TTLL5: variants seen among roughly 807,000 people sequenced by gnomAD.
TTLL5 encodes tubulin tyrosine ligase like 5.
A neutral mutation model predicts 168.4 loss-of-function variants in TTLL5; 132 were observed. The observed-to-expected ratio is 0.78, with a 90% CI of 0.68 to 0.91. TTLL5 has a LOEUF of 0.91. Among genes scored for constraint, TTLL5 ranks in the 40% least tolerant of loss-of-function variants. The pLI is 0.00. For missense variants in TTLL5, 1,545 were observed against 1,581.5 expected (o/e 0.98, Z 0.39); for synonymous variants, 546 against 558.6 (o/e 0.98, Z 0.32).
chr14:75,948,188 T>C (rs184326998), intron 31 of TTLL5, among the ~76,000 whole-genome samples: 1 of 152,016 alleles, frequency 6.6e-6, no homozygotes, highest in East Asian at 1.9e-4. Flanking sequence ...GTTAACTAAT[T>C]TAAAAATCAT....
At chr14:75,916,568 T>G (rs1213417115) in intron 31 of TTLL5, among the ~76,000 whole-genome samples, 1 of 151,940 alleles carries the variant, frequency 6.6e-6, no homozygotes, top group African/African-American at 2.4e-5. Flanking sequence ...AGCTGGGAGG[T>G]CGAGGCTGCC....
chr14:75,865,105 A>T (rs1287553016), intron 29 of TTLL5, among the ~76,000 whole-genome samples: 1 of 152,192 alleles, frequency 6.6e-6, no homozygotes, highest in Non-Finnish European at 1.5e-5. Context: ...AAATCTCTTA[A>T]TCTGGAAAGC....
At chr14:75,696,978 A>G (rs1885919055) in intron 6 of TTLL5, among the ~76,000 whole-genome samples, 2 of 152,208 alleles carry the variant, frequency 1.3e-5, no homozygotes, top group Admixed American at 1.3e-4. Flanking sequence ...CTTGAGTGAA[A>G]TTGGTCTTCT....
At chr14:75,778,553 T>C (rs1389239102) in intron 23 of TTLL5, among the ~76,000 whole-genome samples, 2 of 152,208 alleles carry the variant, frequency 1.3e-5, no homozygotes, top group Non-Finnish European at 2.9e-5. Flanking sequence ...TTGAAGACTT[T>C]AGGGTTTACG....
chr14:75,901,717 G>T, intron 30 of TTLL5, among the ~76,000 whole-genome samples: 1 of 152,172 alleles, frequency 6.6e-6, no homozygotes. Flanking sequence ...TTCCCCAGTT[G>T]AAAACCACTC....
At chr14:75,854,952 A>C (rs1271624759) in intron 28 of TTLL5, among the ~76,000 whole-genome samples, 1 of 152,120 alleles carries the variant, frequency 6.6e-6, no homozygotes, top group African/African-American at 2.4e-5. Context: ...CCTCAAAGGC[A>C]TGTCTTGCTT....
chr14:75,914,827 G>A (rs941727387), intron 31 of TTLL5, among the ~76,000 whole-genome samples: 2 of 152,060 alleles, frequency 1.3e-5, no homozygotes, highest in African/African-American at 4.8e-5. Context: ...GCTTCACTGT[G>A]TTAGCCAGGA....
At chr14:75,847,784 C>T (rs940189175) in intron 28 of TTLL5, 4 of 152,060 alleles carry the variant, frequency 2.6e-5, no homozygotes, top group Non-Finnish European at 4.4e-5. Flanking sequence ...TCACAATCAC[C>T]TGACAGGCTT....
At chr14:75,667,834 C>T (rs1169660663) in intron 2 of TTLL5, among the ~76,000 whole-genome samples, 1 of 132,626 alleles carries the variant, frequency 7.5e-6, no homozygotes, top group African/African-American at 2.8e-5. Flanking sequence ...GATCTTGGTT[C>T]ACTGCAACCT....
chr14:75,774,536 C>T (rs1433807904), intron 21 of TTLL5, among the ~76,000 whole-genome samples: 1 of 152,170 alleles, frequency 6.6e-6, no homozygotes, highest in Admixed American at 6.5e-5. Flanking sequence ...CTTGTACTCT[C>T]TTTATTGAAA....
chr14:75,776,599 A>C (rs1891736419), intron 22 of TTLL5, 148 bp from the exon 23 acceptor site: 9 of 486,892 alleles, frequency 1.8e-5, no homozygotes. Flanking sequence ...TGTCAAATTT[A>C]TAGGTGGCAA....
At chr14:75,825,840 G>A (rs1895096695) in intron 28 of TTLL5, among the ~76,000 whole-genome samples, 1 of 151,928 alleles carries the variant, frequency 6.6e-6, no homozygotes, top group South Asian at 2.1e-4. Flanking sequence ...TATGATAAAG[G>A]CCTGTACTTC....
chr14:75,715,120 A>G (rs1887341644), intron 9 of TTLL5, among the ~76,000 whole-genome samples: 1 of 152,008 alleles, frequency 6.6e-6, no homozygotes, highest in African/African-American at 2.4e-5. Context: ...ATTCCTTTGT[A>G]TGTGGCCAGT....
Position 75,869,703 on chromosome 14 carries a change from C to T in TTLL5, c.3522+5841C>T, listed in dbSNP as rs182006099. ...ACCCAGGTCTGTCAGCCTGCAGCAT[C>T]CAAGCTCATGGCTATTATGCTATAT... On this transcript the variant is annotated intron_variant, in intron 29 of 31. Transcript: ENST00000298832. Among the ~76,000 whole-genome samples, 866 of 152,164 alleles carry T rather than the reference C, an allele frequency of 5.7e-3. 7 individuals are homozygous for T. The highest frequency in any genetic ancestry group is 0.017 in the Middle Eastern group (5 of 292).
chr14:75,928,342 C>CAT (rs3034073), intron 31 of TTLL5, among the ~76,000 whole-genome samples: 3,642 of 81,946 alleles, frequency 0.044, 380 homozygotes, highest in East Asian at 0.28. Context: ...ATGACAAAAA[C>CAT]ATATATATAT....
intron 27 of TTLL5, among the ~76,000 whole-genome samples, chr14:75,811,659 T>C (rs574456395): frequency 1.3e-5 from 2 of 152,326 alleles, no homozygotes; most frequent in Admixed American, 6.5e-5. Flanking sequence ...GCTTTACCTG[T>C]GATAGGCAAT....
At chr14:75,905,338 C>T (rs1384078431) in intron 31 of TTLL5, among the ~76,000 whole-genome samples, 1 of 152,182 alleles carries the variant, frequency 6.6e-6, no homozygotes, top group African/African-American at 2.4e-5. Flanking sequence ...GCCAGGCTTT[C>T]GGCTGTGTGA....
chr14:75,800,365 C>T (rs1374403362), intron 27 of TTLL5, among the ~76,000 whole-genome samples: 1 of 151,894 alleles, frequency 6.6e-6, no homozygotes, highest in African/African-American at 2.4e-5. Context: ...ATTTTTTGGT[C>T]CATGTCCTGT....
intron 28 of TTLL5, among the ~76,000 whole-genome samples, chr14:75,852,589 A>G (rs903937993): frequency 6.6e-6 from 1 of 152,186 alleles, no homozygotes; most frequent in East Asian, 1.9e-4. Context: ...CCATTTCTGT[A>G]TAACTCCATA....
Sources: gnomAD v4.1 joint callset for allele counts (sites outside exome capture counted in the v4.1 genomes callset) on GRCh38, gnomAD v4.1.1 for gene constraint, MANE v1.5 for transcripts, NCBI Gene and HGNC (gene_info 2026-07-23, HGNC 2026-07-21) for gene names.